The following ZHX2 variants were observed in gnomAD, a reference collection of about 807,000 sequenced individuals.
ZHX2 encodes the protein zinc fingers and homeoboxes protein 2.
A neutral mutation model predicts 21.9 loss-of-function variants in ZHX2; 6 were observed. That is an observed-to-expected ratio of 0.27 (90% CI 0.15 to 0.54). ZHX2 has a LOEUF of 0.54. Among genes scored for constraint, ZHX2 ranks in the 20% least tolerant of loss-of-function variants. ZHX2 has a pLI of 0.95. For synonymous variants in ZHX2, 434 were observed against 437.1 expected (o/e 0.99, Z 0.09); for missense variants, 908 against 1,090.7 (o/e 0.83, Z 2.36).
chr8:122,959,138 A>T (rs1813380789), intron 3 of ZHX2, among the ~76,000 whole-genome samples: 1 of 152,106 alleles, frequency 6.6e-6, no homozygotes, highest in Non-Finnish European at 1.5e-5. Flanking sequence ...TCTAAAATTG[A>T]CTCCAAAGCT....
intron 1 of ZHX2, among the ~76,000 whole-genome samples, chr8:122,793,445 G>A (rs1027902560): frequency 3.3e-5 from 5 of 152,196 alleles, no homozygotes; most frequent in African/African-American, 1.2e-4. Context: ...CTCCATGCCT[G>A]GCTCTGTTAT....
rs150011933 is a variant in ZHX2, at chr8:122,884,398, T to A, written c.-220+20859T>A. On this transcript the variant is annotated intron_variant, in intron 2 of 3. Transcript: ENST00000314393. ...CTTGTTTTCTAATTTGTCAGTCACA[T>A]TGGAACAGATTTTTCAAGCATTACA... Among the ~76,000 whole-genome samples the A allele has an allele frequency of 3.6e-3, 545 of 152,326 alleles. 8 individuals are homozygous for A. The highest frequency in any genetic ancestry group is 0.013 in the African/African-American group (528 of 41,572).
chr8:122,883,918 G>A (rs923002451), intron 2 of ZHX2, among the ~76,000 whole-genome samples: 1 of 152,242 alleles, frequency 6.6e-6, no homozygotes, highest in Admixed American at 6.5e-5. Context: ...TATTTTGTGT[G>A]TAGTCATGTG....
chr8:122,922,411 G>C (rs1205796283), intron 2 of ZHX2, among the ~76,000 whole-genome samples: 1 of 152,280 alleles, frequency 6.6e-6, no homozygotes, highest in African/African-American at 2.4e-5. Context: ...TTAGGGAAGG[G>C]CTCGGACAGA....
rs189352516 is a variant in ZHX2 at position 122,927,615 on chromosome 8, C to T, written c.-219-23677C>T. On this transcript the variant is annotated intron_variant, in intron 2 of 3. Transcript: ENST00000314393. The stretch of plus-strand genomic sequence containing the variant: ...AAAGAGCAAGGGACATCTTACATGG[C>T]GGCAGGCAAGAAAGCTTGTGCAGGG... 1.2e-4 allele frequency among the ~76,000 whole-genome samples: 18 copies of T among 152,256 alleles called. No individual in the cohort carries two copies. The East Asian group carries it at 2.5e-3, about 21-fold the overall frequency.
chr8:122,871,978 C>G (rs539439397), intron 2 of ZHX2, among the ~76,000 whole-genome samples: 52 of 152,202 alleles, frequency 3.4e-4, no homozygotes, highest in Non-Finnish European at 6.2e-4. Flanking sequence ...TGGGCATCAC[C>G]CGGGTTCTTT....
chr8:122,974,336 T>G lies in ZHX2; in HGVS notation c.*1099T>G, dbSNP rs1381888174. ...AAAAGAAGGAAAACCAAGAGACATA[T>G]CTGGTGTACGTGTTGCAGTATGAAC... is the stretch of plus-strand genomic sequence containing the variant. On this transcript the variant is annotated 3_prime_UTR_variant, in exon 4 of 4. Coordinates refer to ENST00000314393, the MANE Select transcript of ZHX2 (RefSeq NM_014943.5). The G allele has an allele frequency of 1.3e-5, 2 of 152,550 alleles. No individual in the cohort carries two copies. The highest frequency in any genetic ancestry group is 2.4e-5 in the African/African-American group (1 of 41,400). The allele number at this position is 152,550 out of a possible 1,614,324, so 9.4% of individuals were successfully genotyped here. A position where few individuals can be genotyped will look rare whatever the true frequency, so the allele number is the denominator to read the frequency against.
At chr8:122,859,608 T>G (rs1819114261) in intron 1 of ZHX2, among the ~76,000 whole-genome samples, 1 of 148,184 alleles carries the variant, frequency 6.7e-6, no homozygotes, top group Non-Finnish European at 1.5e-5. Flanking sequence ...GGGAGGGGAG[T>G]GGGGAGAGAT....
chr8:122,843,844 T>C (rs1818690856), intron 1 of ZHX2, among the ~76,000 whole-genome samples: 3 of 152,040 alleles, frequency 2.0e-5, no homozygotes, highest in African/African-American at 7.3e-5. Flanking sequence ...AAGATTTGTC[T>C]GGTGTATAAT....
chr8:122,801,122 A>G (rs1391574929), intron 1 of ZHX2, among the ~76,000 whole-genome samples: 3 of 152,180 alleles, frequency 2.0e-5, no homozygotes, highest in Non-Finnish European at 4.4e-5. Context: ...GAGGCTATAC[A>G]TTTTCTGTAG....
At position 122,782,293 on chromosome 8, in the gene ZHX2, A is replaced by G. The variant is rs879611206; in HGVS notation, c.-283+347A>G. On this transcript the variant is annotated intron_variant, in intron 1 of 3. Transcript: ENST00000314393. This position sits in a 1 kb window ranked among gnomAD's most constrained non-coding sequence, Gnocchi z 5.3. ...AACATGTCTACGTTTCCCTATGTCG[A>G]CATAAGCCACAAAAAAATATGGCGT... Among the ~76,000 whole-genome samples, 17 of 152,028 alleles carry G rather than the reference A, an allele frequency of 1.1e-4. No homozygotes were observed. The highest frequency in any genetic ancestry group is 1.9e-4 in the Non-Finnish European group (13 of 67,990).
At position 122,782,552 on chromosome 8, in the gene ZHX2, G is replaced by C. The variant is rs1817310394; in HGVS notation, c.-283+606G>C. Among the ~76,000 whole-genome samples, 1 of 152,060 alleles carries C rather than the reference G, an allele frequency of 6.6e-6. No individual in the cohort carries two copies. The highest frequency in any genetic ancestry group is 2.1e-4 in the South Asian group (1 of 4,834). On this transcript the variant is annotated intron_variant, in intron 1 of 3. Transcript: ENST00000314393. This position sits in a 1 kb window ranked among gnomAD's most constrained non-coding sequence, Gnocchi z 5.3. Reference sequence around the variant, plus strand: ...TCCCCTCTCCCGGTGACGATTCGCCGTAATGTGGTGGCAGGAAGCATGACG... The same window carrying C: ...TCCCCTCTCCCGGTGACGATTCGCCCTAATGTGGTGGCAGGAAGCATGACG...
chr8:122,952,685 C>A lies in ZHX2; in HGVS notation c.1175C>A (p.Pro392His). ...TSGSTTVSCS[P>H]ITLAVAGVTN... ...GGGTCAACAACCGTCTCTTGCTCCCCCATCACACTTGCCGTGGCAGGAGTC... is the reference window on the plus strand; with the variant it reads ...GGGTCAACAACCGTCTCTTGCTCCCACATCACACTTGCCGTGGCAGGAGTC... Residue 392 changes from proline (P) to histidine (H), a missense_variant, in exon 3 of 4, where the codon CCC becomes CAC. Physicochemically the swap from Pro to His is moderately conservative, Grantham distance 77 (BLOSUM62 -2). Coordinates refer to ENST00000314393, the MANE Select transcript of ZHX2 (RefSeq NM_014943.5). The surrounding 1 kb of genome is among the most constrained non-coding windows in gnomAD (Gnocchi z 6.9). 6.2e-7 allele frequency: 1 copy of A among 1,614,132 alleles called. No individual in the cohort carries two copies. Among genetic ancestry groups the A allele is most frequent in the Non-Finnish European group, 8.5e-7 (1 of 1,180,022 alleles).
chr8:122,938,218 C>G (rs1812755526), intron 2 of ZHX2, among the ~76,000 whole-genome samples: 1 of 151,996 alleles, frequency 6.6e-6, no homozygotes, highest in Non-Finnish European at 1.5e-5. Context: ...CAGGCATGAG[C>G]CACCATGCCC....
intron 1 of ZHX2, among the ~76,000 whole-genome samples, chr8:122,800,680 G>A (rs143231211): frequency 2.1e-4 from 32 of 152,278 alleles, no homozygotes; most frequent in African/African-American, 7.5e-4. Context: ...CTAAATTCAG[G>A]TTAACAGTGA....
At chr8:122,930,271 G>A (rs1820953034) in intron 2 of ZHX2, among the ~76,000 whole-genome samples, 1 of 152,208 alleles carries the variant, frequency 6.6e-6, no homozygotes, top group African/African-American at 2.4e-5. Context: ...CATTACTGGT[G>A]CAGAGGTGAT....
chr8:122,799,304 G>A (rs772557969), intron 1 of ZHX2, among the ~76,000 whole-genome samples: 46 of 152,094 alleles, frequency 3.0e-4, no homozygotes, highest in Non-Finnish European at 1.9e-4. Flanking sequence ...TCTTTCCTCC[G>A]TCACAGAGAA....
intron 1 of ZHX2, among the ~76,000 whole-genome samples, chr8:122,808,556 G>A (rs1402693391): frequency 2.0e-5 from 3 of 152,142 alleles, no homozygotes; most frequent in Admixed American, 6.5e-5. Flanking sequence ...GGTCCCTCCC[G>A]TGATGTGGGA....
At chr8:122,944,236 G>T (rs913506698) in intron 2 of ZHX2, among the ~76,000 whole-genome samples, 1 of 152,192 alleles carries the variant, frequency 6.6e-6, no homozygotes, top group Non-Finnish European at 1.5e-5. Flanking sequence ...GACCTTAGGT[G>T]AGACATTTAC....
Sources: gnomAD v4.1 joint callset for allele counts (sites outside exome capture counted in the v4.1 genomes callset) on GRCh38, gnomAD v4.1.1 for gene constraint, Gnocchi (gnomAD v3.1) non-coding constraint, MANE v1.5 for transcripts, NCBI Gene and HGNC (gene_info 2026-07-23, HGNC 2026-07-21) for gene names.